NCOR2: variants seen among roughly 807,000 people sequenced by gnomAD.
The protein encoded by NCOR2 is CTG repeat protein 26.
NCOR2 carries 81 observed loss-of-function variants against 262.9 expected under a neutral mutation model. That is an observed-to-expected ratio of 0.31 (90% CI 0.26 to 0.37). The LOEUF (loss-of-function observed/expected upper bound fraction) is 0.37, where lower values mean the gene tolerates loss of function less well. NCOR2 is among the 10% of genes least tolerant of loss of function. NCOR2 has a pLI of 1.00. For synonymous variants in NCOR2, 1,659 were observed against 1,559.3 expected (o/e 1.06, Z -1.51); for missense variants, 3,385 against 3,621.4 (o/e 0.93, Z 1.68).
chr12:124,501,151 C>T (rs937050324), intron 1 of NCOR2, among the ~76,000 whole-genome samples: 38 of 151,874 alleles, frequency 2.5e-4, no homozygotes, highest in Admixed American at 4.6e-4. Flanking sequence ...AGGCACAAAG[C>T]CCCCCTGGGG....
chr12:124,409,325 C>T (rs964192128), intron 13 of NCOR2, among the ~76,000 whole-genome samples: 7 of 152,236 alleles, frequency 4.6e-5, no homozygotes, highest in Non-Finnish European at 8.8e-5. Flanking sequence ...GGAAGATGGC[C>T]CGCATGTTCC....
intron 1 of NCOR2, among the ~76,000 whole-genome samples, chr12:124,490,241 A>T (rs2048006189): frequency 6.6e-6 from 1 of 152,098 alleles, no homozygotes; most frequent in Non-Finnish European, 1.5e-5. Context: ...TCTCTACTTA[A>T]ATCTGGGCTC....
chr12:124,506,602 G>A (rs912580516), intron 1 of NCOR2, among the ~76,000 whole-genome samples: 9 of 151,736 alleles, frequency 5.9e-5, no homozygotes, highest in African/African-American at 2.2e-4. Flanking sequence ...ACGGGGAGCG[G>A]CCCTCCCCAC....
chr12:124,411,391 T>C lies in NCOR2; in HGVS notation c.1482+8566A>G, dbSNP rs1009063413. On this transcript the variant is annotated intron_variant, in intron 13 of 46. Transcript: ENST00000405201. ...AACAGTGGAGAGTGGACGGCAGCAGTCGGGGGCGGAGCCTCGGCCTCCCTG... is the reference window on the plus strand; with the variant it reads ...AACAGTGGAGAGTGGACGGCAGCAGCCGGGGGCGGAGCCTCGGCCTCCCTG... Among the ~76,000 whole-genome samples the C allele has an allele frequency of 5.6e-4, 85 of 152,016 alleles. 1 individual carries two copies. The highest frequency in any genetic ancestry group is 2.0e-3 in the African/African-American group (81 of 41,444).
exon 47 of NCOR2, chr12:124,325,377 G>GCCCGGCC: frequency 4.1e-6 from 1 of 246,786 alleles, no homozygotes; most frequent in Non-Finnish European, 6.6e-6. Flanking sequence ...ACCTGACACC[G>GCCCGGCC]CCCCCCCCCC....
chr12:124,377,068 G>A (rs574637216), intron 18 of NCOR2, among the ~76,000 whole-genome samples: 1 of 152,326 alleles, frequency 6.6e-6, no homozygotes, highest in Admixed American at 6.5e-5. Context: ...ACTCGTGACC[G>A]AGAGTGCGGG....
chr12:124,486,504 G>A (rs866644641), exon 2 of NCOR2: 1 of 1,609,152 alleles, frequency 6.2e-7, no homozygotes, highest in Admixed American at 1.7e-5. Flanking sequence ...CTGGATGATG[G>A]AGCCGGGCGA....
In NCOR2 at chr12:124,351,049, C is replaced by T. The variant is rs868270158; in HGVS notation, c.3694-312G>A. On this transcript the variant is annotated intron_variant, in intron 27 of 46. Coordinates refer to ENST00000405201, the Ensembl canonical transcript of NCOR2. Reference sequence around the variant, plus strand: ...ATTATGCCTGTTTCAGATGGGGAAACCGAGGCACAGGGAGGCACAGTGACT... The same window carrying T: ...ATTATGCCTGTTTCAGATGGGGAAATCGAGGCACAGGGAGGCACAGTGACT... 2.6e-5 allele frequency among the ~76,000 whole-genome samples: 4 copies of T among 152,258 alleles called. No individual in the cohort carries two copies. In the South Asian group the frequency reaches 8.3e-4, roughly 32 times the overall value.
chr12:124,495,563 C>T (rs562493608), upstream of NCOR2, among the ~76,000 whole-genome samples: 1 of 152,228 alleles, frequency 6.6e-6, no homozygotes, highest in Non-Finnish European at 1.5e-5. This position sits in a 1 kb window ranked among gnomAD's most constrained non-coding sequence, Gnocchi z 4.4. Flanking sequence ...CATTCAAGGT[C>T]CCTCCGAGCC....
intron 18 of NCOR2, 117 bp from the exon 21 acceptor site, chr12:124,374,580 C>T (rs1279989927): frequency 5.3e-6 from 5 of 938,218 alleles, no homozygotes; most frequent in Non-Finnish European, 8.4e-6. Context: ...TGAGGCCTCG[C>T]TGCTGCTCGC....
intron 41 of NCOR2, among the ~76,000 whole-genome samples, chr12:124,333,890 G>GTGTGTGTGCGCGCA (rs1441684308): frequency 7.0e-6 from 1 of 143,464 alleles, no homozygotes; most frequent in African/African-American, 2.8e-5. Flanking sequence ...GTGTGCATGT[G>GTGTGTGTGCGCGCA]TGTGTGCGCG....
Position 124,330,894 on chromosome 12 carries a change from G to A in NCOR2, c.6909C>T (p.Ile2303=), listed in dbSNP as rs1213554085. The A allele has an allele frequency of 2.5e-6, 4 of 1,581,120 alleles. No individual in the cohort carries two copies. In the Admixed American group the frequency reaches 5.4e-5, roughly 22 times the overall value. ...TGAAGATCTCCGTCCCAGGCTGGCT[G>A]ATATCTGGAAGCGGGTGACAGAGTG... Residue 2303 remains isoleucine (I), a synonymous_variant, in exon 44 of 47, where the codon ATC becomes ATT. Coordinates refer to ENST00000405201, the Ensembl canonical transcript of NCOR2.
Position 124,326,126 on chromosome 12 carries a change from G to A in NCOR2, c.7363+65C>T, listed in dbSNP as rs145516157. ...GCAGGCGCTCAGCATTCAGTGCCCC[G>A]GCAGCATTCACAGCCCAGTGTTGGG... is the stretch of plus-strand genomic sequence containing the variant. On this transcript the variant is annotated intron_variant, in intron 46 of 46. Coordinates refer to ENST00000405201, the Ensembl canonical transcript of NCOR2. The A allele has an allele frequency of 5.7e-3, 8,005 of 1,402,150 alleles. 42 individuals are homozygous for A. Among genetic ancestry groups the A allele is most frequent in the Admixed American group, 6.7e-3 (228 of 34,024 alleles). 86.9% of individuals were successfully genotyped at this position (1,402,150 alleles called of 1,614,324 possible). A position where few individuals can be genotyped will look rare whatever the true frequency, so the allele number is the denominator to read the frequency against.
intron 16 of NCOR2, among the ~76,000 whole-genome samples, chr12:124,390,077 G>A (rs1160562913): frequency 6.6e-6 from 1 of 152,138 alleles, no homozygotes; most frequent in African/African-American, 2.4e-5. Context: ...CCCTCGTCCT[G>A]GGGCACGATG....
chr12:124,436,115 A>G (rs2044323840), intron 8 of NCOR2, among the ~76,000 whole-genome samples: 1 of 152,158 alleles, frequency 6.6e-6, no homozygotes, highest in Admixed American at 6.5e-5. Context: ...AGCCTCACAC[A>G]CAGTAGGTGC....
intron 8 of NCOR2, among the ~76,000 whole-genome samples, chr12:124,434,640 G>A (rs1041648678): frequency 6.6e-6 from 1 of 152,168 alleles, no homozygotes; most frequent in African/African-American, 2.4e-5. Flanking sequence ...CTCCCGAGAG[G>A]AGCCTTCACC....
intron 7 of NCOR2, among the ~76,000 whole-genome samples, chr12:124,445,310 C>T (rs1018781320): frequency 6.6e-6 from 1 of 152,188 alleles, no homozygotes; most frequent in Non-Finnish European, 1.5e-5. Context: ...ATGGAGCCCC[C>T]ATCTCCTGCC....
At chr12:124,327,083 CA>C (rs1363039140) in intron 45 of NCOR2, among the ~76,000 whole-genome samples, 1 of 152,156 alleles carries the variant, frequency 6.6e-6, no homozygotes, top group Non-Finnish European at 1.5e-5. Flanking sequence ...CCCAAGGAGA[CA>C]GATGGGCCAA....
chr12:124,363,794 A>G (rs770082105), exon 21 of NCOR2: 1 of 1,355,604 alleles, frequency 7.4e-7, no homozygotes, highest in Non-Finnish European at 9.6e-7. Context: ...CCTTGGGGAC[A>G]GCAGCCTGCG....
Sources: gnomAD v4.1 joint callset for allele counts (sites outside exome capture counted in the v4.1 genomes callset) on GRCh38, gnomAD v4.1.1 for gene constraint, Gnocchi (gnomAD v3.1) non-coding constraint, MANE v1.5 for transcripts, NCBI Gene and HGNC (gene_info 2026-07-23, HGNC 2026-07-21) for gene names.